The following TPCN1 variants were observed in gnomAD, a reference collection of about 807,000 sequenced individuals.
The protein encoded by TPCN1 is two pore channel protein 1.
In TPCN1, 52 loss-of-function variants were observed where a neutral mutation model predicts 108.8. The ratio of observed to expected loss-of-function variants is 0.48; its 90% confidence interval spans 0.38 to 0.60. TPCN1 has a LOEUF of 0.60. TPCN1 is among the 20% of genes least tolerant of loss of function. TPCN1 has a pLI of 0.00. For missense variants in TPCN1, 806 were observed against 1,072.8 expected, an observed-to-expected ratio of 0.75 and a Z score of 3.47; for synonymous variants, 446 against 433.7, an observed-to-expected ratio of 1.03 and a Z score of -0.35.
chr12:113,277,978 G>A (rs1955730506), intron 12 of TPCN1, among the ~76,000 whole-genome samples: 1 of 152,110 alleles, frequency 6.6e-6, no homozygotes, highest in African/African-American at 2.4e-5. Flanking sequence ...AGACTTAAGT[G>A]GATTACATAT....
Position 113,268,044 on chromosome 12 carries a change from C to A in TPCN1, c.528+88C>A. On this transcript the variant is annotated intron_variant, in intron 5 of 27. Transcript: ENST00000335509. This position sits in a 1 kb window ranked among gnomAD's most constrained non-coding sequence, Gnocchi z 7.3. ...TGTCTCTTTGGTACAATTCAGAATC[C>A]ACCATGGGCCCAGTCCATGCTCAGA... 1 of 948,336 alleles carries A rather than the reference C, an allele frequency of 1.1e-6. No individual in the cohort carries two copies. The highest frequency in any genetic ancestry group is 1.6e-5 in the African/African-American group (1 of 61,770). The allele number at this position is 948,336 out of a possible 1,614,324, so 58.7% of individuals were successfully genotyped here.
chr12:113,274,689 G>A (rs1017001466), intron 10 of TPCN1, among the ~76,000 whole-genome samples: 6 of 152,288 alleles, frequency 3.9e-5, no homozygotes, highest in African/African-American at 7.2e-5. Context: ...TACATATGAG[G>A]ATGAAATAAT....
At chr12:113,258,819 G>A (rs569906456) in intron 2 of TPCN1, among the ~76,000 whole-genome samples, 1 of 152,136 alleles carries the variant, frequency 6.6e-6, no homozygotes, top group African/African-American at 2.4e-5. Context: ...AGTTGCATGT[G>A]GCTGGACCTC....
At chr12:113,259,323 G>A (rs931429400) in intron 2 of TPCN1, among the ~76,000 whole-genome samples, 1 of 152,134 alleles carries the variant, frequency 6.6e-6, no homozygotes, top group Admixed American at 6.6e-5. Context: ...CATTTACAAT[G>A]CAGATTTACA....
At chr12:113,260,115 TG>T (rs1371907457) in intron 2 of TPCN1, among the ~76,000 whole-genome samples, 1 of 152,224 alleles carries the variant, frequency 6.6e-6, no homozygotes, top group East Asian at 1.9e-4. Flanking sequence ...TCCTCCCTTT[TG>T]TACACATTAG....
In TPCN1 at chr12:113,278,818, C is replaced by T. The variant is rs766186410; in HGVS notation, c.1280C>T (p.Ala427Val). The T allele has an allele frequency of 1.1e-4, 174 of 1,613,908 alleles. 1 individual carries two copies. In the East Asian group the frequency reaches 3.3e-3, roughly 31 times the overall value. ...EHWFDELPRT[A>V]LLIFKGINIL... ...TGGTTTGATGAGCTTCCCAGGACGG[C>T]GCTCCTCATCTTCAAAGGTAAGTGG... is the stretch of plus-strand genomic sequence containing the variant. The change falls in exon 14 of 28, where the codon GCG becomes GTG. Residue 427 changes from alanine to valine, a missense_variant. Transcript: ENST00000335509.
chr12:113,249,556 G>T, intron 2 of TPCN1: 1 of 152,388 alleles, frequency 6.6e-6, no homozygotes. Context: ...ATCTGCTCCT[G>T]ACCTGACAGT....
At position 113,231,604 on chromosome 12, in the gene TPCN1, G is replaced by C. The variant is rs1331587186; in HGVS notation, c.112+4640G>C. 6.6e-6 allele frequency among the ~76,000 whole-genome samples: 1 copy of C among 152,192 alleles called. No individual in the cohort carries two copies. Among genetic ancestry groups the C allele is most frequent in the Non-Finnish European group, 1.5e-5 (1 of 68,024 alleles). On this transcript the variant is annotated intron_variant, in intron 2 of 27. Transcript: ENST00000335509. The surrounding 1 kb of genome is among the most constrained non-coding windows in gnomAD (Gnocchi z 4.3). ...TTCAGAGGCAGGGACTGAGGAATCT[G>C]GCTGTGCTGCCTGTGACCTTTAACC...
At chr12:113,221,810 C>T (rs1344401437) in intron 1 of TPCN1, among the ~76,000 whole-genome samples, 184 bp downstream of exon 1, 1 of 152,180 alleles carries the variant, frequency 6.6e-6, no homozygotes, top group East Asian at 1.9e-4. Flanking sequence ...CGGGGCTTTG[C>T]ACCCTCTCTC....
Position 113,269,583 on chromosome 12 carries a change from G to A in TPCN1, c.660-174G>A, listed in dbSNP as rs2303620. 0.092 allele frequency among the ~76,000 whole-genome samples: 13,925 copies of A among 152,124 alleles called. 728 individuals carry two copies. The highest frequency in any genetic ancestry group is 0.21 in the East Asian group (1,059 of 5,158). On this transcript the variant is annotated intron_variant, in intron 6 of 27. Coordinates refer to ENST00000335509, the MANE Select transcript of TPCN1 (RefSeq NM_017901.6). The surrounding 1 kb of genome is among the most constrained non-coding windows in gnomAD (Gnocchi z 5.0). ...CTGCCCTAGTTCTTCCCTGCCATCC[G>A]CTGAGTGGGGGTCTCAAGCCACTTT...
intron 2 of TPCN1, chr12:113,244,316 G>A (rs536664859): frequency 3.0e-5 from 30 of 985,536 alleles, no homozygotes; most frequent in Middle Eastern, 5.2e-4. Context: ...CTGGAGGCCA[G>A]CAATTCAACT....
chr12:113,231,634 G>A lies in TPCN1; in HGVS notation c.112+4670G>A, dbSNP rs2136444848. On this transcript the variant is annotated intron_variant, in intron 2 of 27. Coordinates refer to ENST00000335509, the MANE Select transcript of TPCN1 (RefSeq NM_017901.6). The surrounding 1 kb of genome is among the most constrained non-coding windows in gnomAD (Gnocchi z 4.3). ...TGCTGCCTGTGACCTTTAACCCTAT[G>A]TGAGGGCCTTATCCCTGCAGGAAAC... 6.6e-6 allele frequency among the ~76,000 whole-genome samples: 1 copy of A among 152,280 alleles called. No individual in the cohort carries two copies. The highest frequency in any genetic ancestry group is 6.5e-5 in the Admixed American group (1 of 15,306).
intron 1 of TPCN1, among the ~76,000 whole-genome samples, chr12:113,222,108 C>T (rs544274985): frequency 1.3e-5 from 2 of 152,302 alleles, no homozygotes; most frequent in South Asian, 2.1e-4. Flanking sequence ...GACCAGGACG[C>T]AGGAGTCCCG....
chr12:113,279,375 A>T (rs563471545), intron 14 of TPCN1, among the ~76,000 whole-genome samples: 1 of 24,416 alleles, frequency 4.1e-5, no homozygotes, highest in African/African-American at 1.9e-4. Context: ...ATATATATAT[A>T]TATATATATA....
Position 113,226,818 on chromosome 12 carries a change from G to A in TPCN1, c.-35G>A, listed in dbSNP as rs186758678. The A allele has an allele frequency of 2.0e-3, 3,181 of 1,614,080 alleles. 6 individuals are homozygous for A. The highest frequency in any genetic ancestry group is 2.5e-3 in the Non-Finnish European group (2,948 of 1,179,972). On this transcript the variant is annotated 5_prime_UTR_variant, in exon 2 of 28. Coordinates refer to ENST00000335509, the MANE Select transcript of TPCN1 (RefSeq NM_017901.6). ...AAACCAGAGACTATTTCAAGCCCTG[G>A]ATATCATATCCTGAGGGCCACAGGA... is the stretch of plus-strand genomic sequence containing the variant.
chr12:113,288,657 A>G lies in TPCN1; in HGVS notation c.1707-101A>G. Reference sequence around the variant, plus strand: ...TCCAGTTGGTGAACCGACCAGGGGCATGGCCCTGCAGTCAGCCCCACGGGT... The same window carrying G: ...TCCAGTTGGTGAACCGACCAGGGGCGTGGCCCTGCAGTCAGCCCCACGGGT... On this transcript the variant is annotated intron_variant, in intron 20 of 27. Coordinates refer to ENST00000335509, the MANE Select transcript of TPCN1 (RefSeq NM_017901.6). The surrounding 1 kb of genome is among the most constrained non-coding windows in gnomAD (Gnocchi z 4.8). 1 of 1,561,878 alleles carries G rather than the reference A, an allele frequency of 6.4e-7. No individual in the cohort carries two copies. Among genetic ancestry groups the G allele is most frequent in the South Asian group, 1.2e-5 (1 of 85,410 alleles).
intron 15 of TPCN1, among the ~76,000 whole-genome samples, chr12:113,280,767 A>T (rs886147751): frequency 2.0e-5 from 3 of 152,212 alleles, no homozygotes; most frequent in African/African-American, 7.2e-5. Flanking sequence ...ATTCCCTTGG[A>T]CAGTACTAAC....
At chr12:113,246,055 T>C in intron 2 of TPCN1, 1 of 456,080 alleles carries the variant, frequency 2.2e-6, no homozygotes, top group Admixed American at 2.3e-5. Flanking sequence ...TTACCGTGTG[T>C]GCAAACAGGT....
chr12:113,257,849 G>A (rs959826338), intron 2 of TPCN1, among the ~76,000 whole-genome samples: 3 of 152,006 alleles, frequency 2.0e-5, no homozygotes, highest in Non-Finnish European at 4.4e-5. Flanking sequence ...GTGCAATGTG[G>A]ATGAGTTTTT....
Sources: gnomAD v4.1 joint callset for allele counts (sites outside exome capture counted in the v4.1 genomes callset) on GRCh38, gnomAD v4.1.1 for gene constraint, Gnocchi (gnomAD v3.1) non-coding constraint, MANE v1.5 for transcripts, NCBI Gene and HGNC (gene_info 2026-07-23, HGNC 2026-07-21) for gene names.